Variants in GAB1 observed in about 807,000 individuals in gnomAD.
GAB1 encodes the protein GRB2 associated binding protein 1.
A neutral mutation model predicts 66.5 loss-of-function variants in GAB1; 19 were observed. The ratio of observed to expected loss-of-function variants is 0.29; its 90% CI spans 0.20 to 0.42. GAB1 has a LOEUF of 0.42. GAB1 is among the 10% of genes least tolerant of loss of function. The probability of loss-of-function intolerance (pLI) is 1.00; values close to 1 mark genes in which losing one functional copy is unlikely to be tolerated. For synonymous variants in GAB1, 294 were observed against 301.4 expected, an observed-to-expected ratio of 0.98 and a Z score of 0.25; for missense variants, 732 against 858.5, an observed-to-expected ratio of 0.85 and a Z score of 1.84.
Position 143,472,309 on chromosome 4 carries a change from CTA to C in GAB1, c.*3121_*3122del, listed in dbSNP as rs1228260843. On this transcript the variant is annotated 3_prime_UTR_variant, in exon 10 of 10. Coordinates refer to ENST00000262994, the MANE Select transcript of GAB1 (RefSeq NM_002039.4). Reference sequence around the variant, plus strand: ...ATATAGCATTGTATTTAATCATAGACTAAATTTAATTTGATATAGAAATACTA... The same window carrying C: ...ATATAGCATTGTATTTAATCATAGACAATTTAATTTGATATAGAAATACTA... The C allele has an allele frequency of 3.3e-5, 5 of 151,990 alleles. No homozygotes were observed. 9.4% of individuals were successfully genotyped at this position (151,990 alleles called of 1,614,324 possible).
In GAB1 at chr4:143,439,854, A is replaced by C; in HGVS notation, c.1248A>C (p.Arg416Ser). ...TTCCACGAGCATTTCCAAGTGATAG[A>C]TCTAGTTCACTTGAAGGCTTCCATA... ...YDIPRAFPSD[R>S]SSSLEGFHNH... The change falls in exon 5 of 10, where the codon AGA (arginine) becomes AGC (serine). Residue 416 changes from arginine (R) to serine (S), a missense_variant. Physicochemically the swap from Arg to Ser is moderately radical, Grantham distance 110 (BLOSUM62 -1). Transcript: ENST00000262994. The C allele has an allele frequency of 6.2e-7, 1 of 1,613,546 alleles. No homozygotes were observed. Among genetic ancestry groups the C allele is most frequent in the Non-Finnish European group, 8.5e-7 (1 of 1,179,544 alleles).
chr4:143,457,750 C>T lies in GAB1; in HGVS notation c.1586-1635C>T, dbSNP rs149207147. On this transcript the variant is annotated intron_variant, in intron 6 of 9. Coordinates refer to ENST00000262994, the MANE Select transcript of GAB1 (RefSeq NM_002039.4). ...GAACTGATTCACAAACCATAGGTGA[C>T]TTTGCTACAAGAAGAAAGGGTATGT... is the stretch of plus-strand genomic sequence containing the variant. 1,032 of 1,573,366 alleles carry T rather than the reference C, an allele frequency of 6.6e-4. 7 individuals carry two copies. In the African/African-American group the frequency reaches 0.012, roughly 19 times the overall value.
chr4:143,469,448 T>A lies in GAB1; in HGVS notation c.*259T>A, dbSNP rs1180146923. ...AACATTTGTTCCACAGTTAACACAC[T>A]CGTAGTATTACTGTATTTATGCACT... On this transcript the variant is annotated 3_prime_UTR_variant, in exon 10 of 10. Coordinates refer to ENST00000262994, the MANE Select transcript of GAB1 (RefSeq NM_002039.4). The A allele has an allele frequency of 2.5e-6, 1 of 395,658 alleles. No homozygotes were observed. The highest frequency in any genetic ancestry group is 2.0e-5 in the African/African-American group (1 of 50,492). 24.5% of individuals were successfully genotyped at this position (395,658 alleles called of 1,614,324 possible).
intron 1 of GAB1, among the ~76,000 whole-genome samples, chr4:143,339,383 C>T (rs1243059920): frequency 6.6e-6 from 1 of 152,180 alleles, no homozygotes; most frequent in Non-Finnish European, 1.5e-5. Context: ...TGGTGGTGTA[C>T]GCCTGTAATC....
chr4:143,386,863 A>G (rs1468535051), intron 1 of GAB1, among the ~76,000 whole-genome samples: 3 of 152,210 alleles, frequency 2.0e-5, no homozygotes, highest in African/African-American at 2.4e-5. Flanking sequence ...AATACACAAC[A>G]TGTAGTTGCT....
intron 3 of GAB1, among the ~76,000 whole-genome samples, chr4:143,434,907 T>A (rs1038581797): frequency 4.6e-5 from 7 of 152,108 alleles, no homozygotes; most frequent in African/African-American, 1.7e-4. Flanking sequence ...AGCAGAAAAA[T>A]GATGATTGAG....
chr4:143,431,732 A>G (rs1733665394), intron 2 of GAB1, among the ~76,000 whole-genome samples: 2 of 152,198 alleles, frequency 1.3e-5, no homozygotes, highest in South Asian at 4.1e-4. Flanking sequence ...GCATTGCCAC[A>G]TGGTTACAGG....
intron 1 of GAB1, among the ~76,000 whole-genome samples, chr4:143,407,957 GTT>G: frequency 6.6e-6 from 1 of 152,156 alleles, no homozygotes; most frequent in Admixed American, 6.5e-5. Flanking sequence ...TTACTGCATG[GTT>G]TTTAGAGAAA....
intron 1 of GAB1, among the ~76,000 whole-genome samples, chr4:143,392,216 G>A (rs1362804433): frequency 2.6e-5 from 4 of 152,158 alleles, no homozygotes; most frequent in African/African-American, 9.7e-5. Context: ...GAAAGTAGAA[G>A]TGAGTCTATT....
chr4:143,414,368 G>C (rs1257956317), intron 1 of GAB1, among the ~76,000 whole-genome samples: 1 of 152,274 alleles, frequency 6.6e-6, no homozygotes, highest in Non-Finnish European at 1.5e-5. Flanking sequence ...CATAGATTTA[G>C]GGAGGGTGAT....
chr4:143,427,351 G>A (rs1733416515), intron 2 of GAB1, among the ~76,000 whole-genome samples: 1 of 152,090 alleles, frequency 6.6e-6, no homozygotes, highest in African/African-American at 2.4e-5. Flanking sequence ...TGGCAAAAGG[G>A]GCCATCATTT....
rs146844851 is a variant in GAB1 at position 143,372,053 on chromosome 4, G to A, written c.72+34793G>A. ...ATTATGAAACATCTTGGCTGGGCACGGTGGCTAGTGCCTGTAATCCTGGCA... is the reference window on the plus strand; with the variant it reads ...ATTATGAAACATCTTGGCTGGGCACAGTGGCTAGTGCCTGTAATCCTGGCA... On this transcript the variant is annotated intron_variant, in intron 1 of 9. Transcript: ENST00000262994. Among the ~76,000 whole-genome samples, 259 of 152,102 alleles carry A rather than the reference G, an allele frequency of 1.7e-3. 2 individuals are homozygous for A. The South Asian group carries it at 0.023, about 14-fold the overall frequency.
rs193259985 is a variant in GAB1 at position 143,459,505 on chromosome 4, T to A, written c.1679+27T>A. On this transcript the variant is annotated intron_variant, in intron 7 of 9. Coordinates refer to ENST00000262994, the MANE Select transcript of GAB1 (RefSeq NM_002039.4). ...TAAGTCCTTTGTCTAAAATATGTAG[T>A]TTGTATGAATAATGTGACTATCTAG... 1.1e-4 allele frequency: 128 copies of A among 1,146,196 alleles called. 1 individual carries two copies. In the East Asian group the frequency reaches 2.1e-3, roughly 19 times the overall value. The allele number at this position is 1,146,196 out of a possible 1,614,324, so 71.0% of individuals were successfully genotyped here. A position where few individuals can be genotyped will look rare whatever the true frequency, so the allele number is the denominator to read the frequency against.
chr4:143,369,806 C>A (rs1349179270), intron 1 of GAB1, among the ~76,000 whole-genome samples: 2 of 152,244 alleles, frequency 1.3e-5, no homozygotes, highest in Admixed American at 6.5e-5. Flanking sequence ...ACATGAGACT[C>A]ATACGTTGTG....
intron 2 of GAB1, among the ~76,000 whole-genome samples, chr4:143,416,327 GA>G (rs953589393): frequency 6.6e-6 from 1 of 152,132 alleles, no homozygotes; most frequent in African/African-American, 2.4e-5. Context: ...AGAATGGTGT[GA>G]ACCCGAGAGG....
chr4:143,432,767 A>G (rs1733725468), intron 2 of GAB1, among the ~76,000 whole-genome samples: 1 of 152,166 alleles, frequency 6.6e-6, no homozygotes, highest in Non-Finnish European at 1.5e-5. Flanking sequence ...TGGTTTTCAA[A>G]TTGCTTCATT....
rs1242802815 is a variant in GAB1 at position 143,337,033 on chromosome 4, A to G, written c.-156A>G. 1.4e-5 allele frequency: 9 copies of G among 633,108 alleles called. No individual in the cohort carries two copies. In the East Asian group the frequency reaches 2.4e-4, roughly 17 times the overall value. The allele number at this position is 633,108 out of a possible 1,614,324, so 39.2% of individuals were successfully genotyped here. A position where few individuals can be genotyped will look rare whatever the true frequency, so the allele number is the denominator to read the frequency against. ...CAGAGGAGAGACTCGAACTCGTGGAACCCGCGCACCGTGGAGTCTGTCCGC... is the reference window on the plus strand; with the variant it reads ...CAGAGGAGAGACTCGAACTCGTGGAGCCCGCGCACCGTGGAGTCTGTCCGC... On this transcript the variant is annotated 5_prime_UTR_variant, in exon 1 of 10. Transcript: ENST00000262994.
At position 143,466,115 on chromosome 4, in the gene GAB1, A is replaced by G. The variant is rs1347846019; in HGVS notation, c.1816A>G (p.Ser606Gly). 1.2e-6 allele frequency: 2 copies of G among 1,613,742 alleles called. No individual in the cohort carries two copies. The highest frequency in any genetic ancestry group is 3.3e-5 in the Admixed American group (2 of 59,994). The change falls in exon 9 of 10, where the codon AGT becomes GGT. Residue 606 changes from serine (S) to glycine (G), a missense_variant. By Grantham distance (56) the Ser-to-Gly change is moderately conservative (BLOSUM62 0). Transcript: ENST00000262994. ...LSSEDPNLFG[S>G]NSLDGGSSPM... ...CTAATACTTTCAGAATCTCTTTGGC[A>G]GTAACAGTCTTGATGGAGGAAGCAG...
At chr4:143,400,646 C>T (rs759584350) in intron 1 of GAB1, among the ~76,000 whole-genome samples, 5 of 152,118 alleles carry the variant, frequency 3.3e-5, no homozygotes, top group African/African-American at 4.8e-5. Flanking sequence ...CTTCAGCCAA[C>T]CTGGGGTTAC....
Sources: gnomAD v4.1 joint callset for allele counts (sites outside exome capture counted in the v4.1 genomes callset) on GRCh38, gnomAD v4.1.1 for gene constraint, MANE v1.5 for transcripts, NCBI Gene and HGNC (gene_info 2026-07-23, HGNC 2026-07-21) for gene names.